Variants in ADGRA2 observed in about 807,000 individuals in gnomAD.
The protein encoded by ADGRA2 is G-protein coupled receptor 124.
In ADGRA2, 61 loss-of-function variants were observed where a neutral mutation model predicts 98.7. The ratio of observed to expected loss-of-function variants is 0.62; its 90% CI spans 0.50 to 0.76. ADGRA2 has a LOEUF of 0.76. ADGRA2 is among the 30% of genes least tolerant of loss of function. The pLI is 0.00. For synonymous variants in ADGRA2, 858 were observed against 831.5 expected (o/e 1.03, Z -0.55); for missense variants, 1,712 against 1,860.0 (o/e 0.92, Z 1.46).
chr8:37,840,570 TC>T (rs1425460886), intron 17 of ADGRA2, among the ~76,000 whole-genome samples, 189 bp from the exon 18 acceptor site: 2 of 152,152 alleles, frequency 1.3e-5, no homozygotes, highest in Non-Finnish European at 2.9e-5. Context: ...AATTCTGGCC[TC>T]TGCCCCTTAG....
At chr8:37,819,735 A>G (rs886164621) in intron 2 of ADGRA2, among the ~76,000 whole-genome samples, 3 of 151,868 alleles carry the variant, frequency 2.0e-5, no homozygotes, top group African/African-American at 7.2e-5. Flanking sequence ...CAGTGGCACA[A>G]TCTTGGCTCA....
intron 17 of ADGRA2, 102 bp downstream of exon 17, chr8:37,840,368 G>C: frequency 7.8e-7 from 1 of 1,277,162 alleles, no homozygotes; most frequent in Non-Finnish European, 1.1e-6. Context: ...GTCCCTGGGA[G>C]ATCACTCTCC....
chr8:37,833,349 G>C, intron 9 of ADGRA2, 141 bp downstream of exon 9: 1 of 714,296 alleles, frequency 1.4e-6, no homozygotes, highest in South Asian at 1.9e-5. Context: ...GCCAGGAGCC[G>C]GCTCCTCTCC....
intron 1 of ADGRA2, among the ~76,000 whole-genome samples, chr8:37,811,968 T>G (rs1384928526): frequency 1.3e-5 from 2 of 151,546 alleles, no homozygotes; most frequent in African/African-American, 4.8e-5. Flanking sequence ...CCATGCATGG[T>G]GACGGGCACC....
At chr8:37,813,441 TAGA>T (rs1410313317) in intron 1 of ADGRA2, among the ~76,000 whole-genome samples, 1 of 152,210 alleles carries the variant, frequency 6.6e-6, no homozygotes, top group African/African-American at 2.4e-5. Flanking sequence ...CGTGAGTTCA[TAGA>T]AGATCTAATA....
At chr8:37,820,405 T>C (rs964469818) in intron 2 of ADGRA2, among the ~76,000 whole-genome samples, 6 of 152,256 alleles carry the variant, frequency 3.9e-5, no homozygotes, top group Non-Finnish European at 8.8e-5. Flanking sequence ...CCATGGGGCC[T>C]GGGAATTTTT....
chr8:37,838,918 T>A (rs1476687948), intron 14 of ADGRA2, 38 bp from the exon 15 acceptor site: 2 of 1,532,566 alleles, frequency 1.3e-6, no homozygotes, highest in South Asian at 2.6e-5. Context: ...TGGCGAGGTG[T>A]CCACATTCCT....
intron 2 of ADGRA2, among the ~76,000 whole-genome samples, chr8:37,817,463 A>T (rs1805013066): frequency 6.8e-6 from 1 of 146,542 alleles, no homozygotes; most frequent in South Asian, 2.2e-4. Context: ...GTAATTCCAA[A>T]GCTTTGGGAG....
chr8:37,802,015 C>A lies in ADGRA2; in HGVS notation c.266+4481C>A, dbSNP rs1804522616. Among the ~76,000 whole-genome samples, 1 of 152,242 alleles carries A rather than the reference C, an allele frequency of 6.6e-6. No individual in the cohort carries two copies. Among genetic ancestry groups the A allele is most frequent in the African/African-American group, 2.4e-5 (1 of 41,468 alleles). ...CCATTCAGGGAAGCGGGGGTGCCCA[C>A]CACGCAGGCTGCCCACCTAGGGGAG... On this transcript the variant is annotated intron_variant, in intron 1 of 18. Coordinates refer to ENST00000412232, the MANE Select transcript of ADGRA2 (RefSeq NM_032777.10). The surrounding 1 kb of genome is among the most constrained non-coding windows in gnomAD (Gnocchi z 4.7).
chr8:37,841,978 C>G lies in ADGRA2; in HGVS notation c.3640C>G (p.Leu1214Val). 1 of 1,504,072 alleles carries G rather than the reference C, an allele frequency of 6.6e-7. No homozygotes were observed. Among genetic ancestry groups the G allele is most frequent in the Non-Finnish European group, 8.8e-7 (1 of 1,134,726 alleles). 93.2% of individuals were successfully genotyped at this position (1,504,072 alleles called of 1,614,324 possible). Residue 1214 changes from leucine (L) to valine (V), a missense_variant, in exon 19 of 19, where the codon CTG becomes GTG. Coordinates refer to ENST00000412232, the MANE Select transcript of ADGRA2 (RefSeq NM_032777.10). This position sits in a 1 kb window ranked among gnomAD's most constrained non-coding sequence, Gnocchi z 5.0. ...LRGGAAGALE[L>V]LSSESGSLHN... ...CGGGGGCGCGGCGGGGGCGCTGGAG[C>G]TGCTGTCCAGCGAGAGCGGCAGTCT...
At chr8:37,813,234 A>C (rs1293575715) in intron 1 of ADGRA2, among the ~76,000 whole-genome samples, 2 of 152,034 alleles carry the variant, frequency 1.3e-5, no homozygotes, top group Non-Finnish European at 2.9e-5. Context: ...TCTCTAAAAA[A>C]ATTTTTTTTA....
At chr8:37,809,144 T>A (rs946428401) in intron 1 of ADGRA2, among the ~76,000 whole-genome samples, 5 of 152,066 alleles carry the variant, frequency 3.3e-5, no homozygotes, top group Admixed American at 1.3e-4. Flanking sequence ...ATTTTTTTTT[T>A]AATTAGCTGG....
At position 37,839,011 on chromosome 8, in the gene ADGRA2, T is replaced by C. The variant is rs1223542591; in HGVS notation, c.2315T>C (p.Val772Ala). The change falls in exon 15 of 19, where the codon GTG becomes GCG. Residue 772 changes from valine (V) to alanine (A), a missense_variant. Coordinates refer to ENST00000412232, the MANE Select transcript of ADGRA2 (RefSeq NM_032777.10). ...VGGAGAGLHPVVYPCTALLLL... is the reference protein window; with the variant it reads ...VGGAGAGLHPAVYPCTALLLL... ...GGCGCCGGGGCAGGGCTGCACCCCG[T>C]GGTATACCCCTGCACGGCCTTGCTG... 8 of 1,600,576 alleles carry C rather than the reference T, an allele frequency of 5.0e-6. No individual in the cohort carries two copies. The highest frequency in any genetic ancestry group is 4.5e-5 in the East Asian group (2 of 44,706).
At chr8:37,808,703 G>A (rs1006336708) in intron 1 of ADGRA2, among the ~76,000 whole-genome samples, 2 of 152,196 alleles carry the variant, frequency 1.3e-5, no homozygotes, top group African/African-American at 4.8e-5. Context: ...TATAATCCCA[G>A]CACTTTGGGA....
intron 2 of ADGRA2, among the ~76,000 whole-genome samples, chr8:37,818,537 C>A (rs1179393166): frequency 1.3e-5 from 2 of 152,238 alleles, no homozygotes; most frequent in Non-Finnish European, 2.9e-5. Context: ...CCGAGTCGTG[C>A]GATGTAGGAG....
At chr8:37,807,138 A>G (rs1039486046) in intron 1 of ADGRA2, among the ~76,000 whole-genome samples, 1 of 152,136 alleles carries the variant, frequency 6.6e-6, no homozygotes, top group African/African-American at 2.4e-5. Flanking sequence ...GCCTCCTTCT[A>G]TTGCCAGTCG....
Position 37,835,627 on chromosome 8 carries a change from C to T in ADGRA2, c.1907C>T (p.Pro636Leu), listed in dbSNP as rs757925880. 11 of 1,613,286 alleles carry T rather than the reference C, an allele frequency of 6.8e-6. No individual in the cohort carries two copies. The highest frequency in any genetic ancestry group is 5.0e-5 in the Admixed American group (3 of 60,018). ...FSSLPAALAP[P>L]VPPDCTLQLL... ...TCCCTTCCGGCTGCCCTGGCTCCCC[C>T]GGTGCCCCCAGACTGCACCCTGCAA... Residue 636 changes from proline (P) to leucine (L), a missense_variant, in exon 13 of 19, where the codon CCG becomes CTG. Physicochemically the swap from Pro to Leu is moderately conservative, Grantham distance 98. Coordinates refer to ENST00000412232, the MANE Select transcript of ADGRA2 (RefSeq NM_032777.10).
chr8:37,829,658 G>A, intron 5 of ADGRA2, 99 bp downstream of exon 5: 1 of 1,012,366 alleles, frequency 9.9e-7, no homozygotes, highest in South Asian at 1.3e-5. Flanking sequence ...GGTCTCACGA[G>A]TGGCCACAGC....
rs1349163072 is a variant in ADGRA2, at chr8:37,831,444, C to T, written c.954C>T (p.Ile318=). Reference sequence around the variant, plus strand: ...GCAGTGAGCTGACGCTGTCTCACATCGGCGTGTGGGCCTCAGGCGAGTGGG... The same window carrying T: ...GCAGTGAGCTGACGCTGTCTCACATTGGCGTGTGGGCCTCAGGCGAGTGGG... ...FITSELTLSH[I]GVWASGEWEC... The change falls in exon 8 of 19, where the codon ATC becomes ATT. Residue 318 remains isoleucine (I), a synonymous_variant. Coordinates refer to ENST00000412232, the MANE Select transcript of ADGRA2 (RefSeq NM_032777.10). The T allele has an allele frequency of 1.1e-5, 18 of 1,612,018 alleles. No individual in the cohort carries two copies. The highest frequency in any genetic ancestry group is 1.3e-5 in the African/African-American group (1 of 74,948).
Sources: gnomAD v4.1 joint callset for allele counts (sites outside exome capture counted in the v4.1 genomes callset) on GRCh38, gnomAD v4.1.1 for gene constraint, Gnocchi (gnomAD v3.1) non-coding constraint, MANE v1.5 for transcripts, NCBI Gene and HGNC (gene_info 2026-07-23, HGNC 2026-07-21) for gene names.